FTO: variants seen among roughly 807,000 people sequenced by gnomAD.
FTO encodes the protein alpha-ketoglutarate-dependent dioxygenase FTO.
Under a neutral mutation model 63.9 loss-of-function variants are expected in FTO, and 47 were observed. The observed-to-expected ratio is 0.74, with a 90% CI of 0.58 to 0.94. The LOEUF (loss-of-function observed/expected upper bound fraction) is 0.94, where lower values mean the gene tolerates loss of function less well. Ranked by LOEUF, FTO falls within the 40% of genes least tolerant of loss-of-function variation. The pLI is 0.00. For missense variants in FTO, 562 were observed against 618.1 expected (o/e 0.91, Z 0.96); for synonymous variants, 207 against 224.4 (o/e 0.92, Z 0.69).
At chr16:53,955,731 A>G (rs1219701412) in intron 8 of FTO, among the ~76,000 whole-genome samples, 1 of 152,210 alleles carries the variant, frequency 6.6e-6, no homozygotes, top group Non-Finnish European at 1.5e-5. Flanking sequence ...ATTGATTGTG[A>G]GATAAATGCC....
chr16:53,985,736 T>C (rs11076012), intron 8 of FTO, among the ~76,000 whole-genome samples: 99,972 of 152,070 alleles, frequency 0.66, 34,262 homozygotes, highest in East Asian at 0.9. Context: ...CTTAGTCTTT[T>C]TCTCCTTCCC....
intron 2 of FTO, among the ~76,000 whole-genome samples, chr16:53,824,245 C>G (rs1368930528): frequency 6.6e-6 from 1 of 152,222 alleles, no homozygotes; most frequent in South Asian, 2.1e-4. Flanking sequence ...TCTGCCTCCT[C>G]GTAGCATGCC....
intron 1 of FTO, among the ~76,000 whole-genome samples, chr16:53,705,069 T>C (rs1173136333): frequency 6.6e-6 from 1 of 152,006 alleles, no homozygotes; most frequent in Non-Finnish European, 1.5e-5. Context: ...ATTATCTTTT[T>C]AATAGACTGT....
intron 8 of FTO, among the ~76,000 whole-genome samples, chr16:53,959,505 T>C (rs759789709): frequency 1.3e-4 from 19 of 151,472 alleles, no homozygotes; most frequent in Non-Finnish European, 2.1e-4. Context: ...CTAATAATAA[T>C]ATTATTTATT....
At chr16:53,710,245 A>G (rs1382047499) in intron 1 of FTO, among the ~76,000 whole-genome samples, 2 of 146,316 alleles carry the variant, frequency 1.4e-5, no homozygotes, top group African/African-American at 5.0e-5. Context: ...ATGTTTCCTT[A>G]TGATTAGATT....
rs980477818 is a variant in FTO at position 53,755,312 on chromosome 16, C to T, written c.45+51083C>T. Among the ~76,000 whole-genome samples, 7 of 152,156 alleles carry T rather than the reference C, an allele frequency of 4.6e-5. No individual in the cohort carries two copies. In the East Asian group the frequency reaches 5.8e-4, roughly 13 times the overall value. ...GGGCTGCAGGGCTGGAGAGCTTGGACGGTTGACATGACCCAGAGGAGATGC... is the reference window on the plus strand; with the variant it reads ...GGGCTGCAGGGCTGGAGAGCTTGGATGGTTGACATGACCCAGAGGAGATGC... On this transcript the variant is annotated intron_variant, in intron 1 of 8. Transcript: ENST00000471389.
chr16:53,856,755 A>AG (rs2080011688), intron 4 of FTO, among the ~76,000 whole-genome samples: 1 of 152,212 alleles, frequency 6.6e-6, no homozygotes, highest in East Asian at 1.9e-4. Context: ...ATCTCAAAAA[A>AG]AAAAACAAGC....
intron 1 of FTO, among the ~76,000 whole-genome samples, chr16:53,760,209 T>C (rs1376450037): frequency 4.1e-5 from 1 of 24,482 alleles, no homozygotes; most frequent in East Asian, 1.0e-3. Context: ...AGCTTTGGTG[T>C]GTGTGTGTGT....
At chr16:53,772,815 C>G (rs2151635138) in intron 1 of FTO, among the ~76,000 whole-genome samples, 1 of 152,210 alleles carries the variant, frequency 6.6e-6, no homozygotes, top group African/African-American at 2.4e-5. Context: ...GTTACATGGT[C>G]TTTTATTGTC....
chr16:53,751,457 CA>C lies in FTO; in HGVS notation c.45+47239del, dbSNP rs1003290645. Among the ~76,000 whole-genome samples the C allele has an allele frequency of 6.9e-4, 99 of 143,740 alleles. 1 individual carries two copies. Among genetic ancestry groups the C allele is most frequent in the African/African-American group, 2.2e-3 (85 of 39,022 alleles). The allele number at this position is 143,740 out of a possible 152,430, so 94.3% of individuals were successfully genotyped here. ...TGGGCTACAGAGCGAGACTCCATCT[CA>C]AAAAAAAAAATTTAAAAAGAATGAA... On this transcript the variant is annotated intron_variant, in intron 1 of 8. Coordinates refer to ENST00000471389, the MANE Select transcript of FTO (RefSeq NM_001080432.3).
chr16:53,859,877 G>A (rs751441574), intron 4 of FTO, among the ~76,000 whole-genome samples: 1 of 152,158 alleles, frequency 6.6e-6, no homozygotes, highest in Non-Finnish European at 1.5e-5. Context: ...AAACTGCATG[G>A]AGGTTTCTCA....
At chr16:54,030,744 G>A (rs2084809552) in intron 8 of FTO, among the ~76,000 whole-genome samples, 1 of 152,150 alleles carries the variant, frequency 6.6e-6, no homozygotes. Flanking sequence ...TGTTAGGGAA[G>A]ATTAGACATT....
chr16:53,940,650 C>A (rs916648348), intron 8 of FTO, among the ~76,000 whole-genome samples: 2 of 152,190 alleles, frequency 1.3e-5, no homozygotes, highest in African/African-American at 4.8e-5. Flanking sequence ...TAGGAGACAA[C>A]TTCATTTGGG....
intron 1 of FTO, among the ~76,000 whole-genome samples, chr16:53,798,413 C>T (rs1232587846): frequency 6.6e-6 from 1 of 151,960 alleles, no homozygotes; most frequent in Non-Finnish European, 1.5e-5. Context: ...TCTTCCAGTC[C>T]ACTAACATGG....
At chr16:53,760,170 C>T (rs62048378) in intron 1 of FTO, among the ~76,000 whole-genome samples, 44,024 of 150,902 alleles carry the variant, frequency 0.29, 7,761 homozygotes, top group African/African-American at 0.49. Context: ...CCCCTTTTCT[C>T]CCTCAATCCT....
chr16:53,705,379 C>G (rs1253869781), intron 1 of FTO, among the ~76,000 whole-genome samples: 1 of 152,186 alleles, frequency 6.6e-6, no homozygotes, highest in Non-Finnish European at 1.5e-5. Context: ...ACACTCTGCT[C>G]TCTGCCTACC....
chr16:53,949,519 A>G (rs1375408230), intron 8 of FTO, among the ~76,000 whole-genome samples: 1 of 152,216 alleles, frequency 6.6e-6, no homozygotes, highest in Non-Finnish European at 1.5e-5. Flanking sequence ...CTTAGAATGG[A>G]GCCAGGTTGA....
At chr16:53,885,804 A>G (rs1182670197) in intron 6 of FTO, among the ~76,000 whole-genome samples, 1 of 152,182 alleles carries the variant, frequency 6.6e-6, no homozygotes, top group Non-Finnish European at 1.5e-5. Flanking sequence ...ACTGGAGTTT[A>G]GTGGCGCGAT....
At chr16:53,778,733 T>C (rs1234816039) in intron 1 of FTO, among the ~76,000 whole-genome samples, 1 of 152,178 alleles carries the variant, frequency 6.6e-6, no homozygotes, top group Admixed American at 6.5e-5. Flanking sequence ...GTCCTGAGAT[T>C]GCTGTTAGCC....
Sources: allele counts gnomAD v4.1 joint callset (sites outside exome capture counted in the v4.1 genomes callset), GRCh38; gene constraint gnomAD v4.1.1; transcripts MANE v1.5; gene names NCBI Gene and HGNC (gene_info 2026-07-23, HGNC 2026-07-21).